Variants in SYNE2 observed in about 807,000 individuals in gnomAD.
SYNE2 encodes the protein nesprin-2.
Under a neutral mutation model 856.3 loss-of-function variants are expected in SYNE2, and 431 were observed. That is an observed-to-expected ratio of 0.50 (90% CI 0.47 to 0.55). SYNE2 has a LOEUF of 0.55. Among genes scored for constraint, SYNE2 ranks in the 20% least tolerant of loss-of-function variants. The probability of loss-of-function intolerance (pLI) is 0.00; values close to 1 mark genes in which losing one functional copy is unlikely to be tolerated. For missense variants in SYNE2, 8,129 were observed against 8,023.2 expected (o/e 1.01, Z -0.50); for synonymous variants, 2,923 against 2,872.3 (o/e 1.02, Z -0.56).
At chr14:64,045,421 TC>T (rs2097179039) in intron 45 of SYNE2, among the ~76,000 whole-genome samples, 1 of 143,558 alleles carries the variant, frequency 7.0e-6, no homozygotes, top group Admixed American at 7.0e-5. Flanking sequence ...CAGTGCAGGT[TC>T]TCTTGGGCTG....
intron 76 of SYNE2, among the ~76,000 whole-genome samples, chr14:64,131,208 G>A (rs1318596157): frequency 6.6e-6 from 1 of 152,092 alleles, no homozygotes; most frequent in Non-Finnish European, 1.5e-5. Context: ...CAGTGTGCTA[G>A]GCCCCTTGCT....
intron 11 of SYNE2, among the ~76,000 whole-genome samples, chr14:63,975,297 T>C (rs2096533339): frequency 6.6e-6 from 1 of 152,070 alleles, no homozygotes; most frequent in African/African-American, 2.4e-5. Flanking sequence ...CTTTTCGTTT[T>C]ATGTTTTTGC....
In SYNE2 at chr14:63,899,801, T is replaced by C. The variant is rs147359984; in HGVS notation, c.-51-9297T>C. On this transcript the variant is annotated intron_variant, in intron 1 of 115. Transcript: ENST00000555002. ...ACAGGCGTGAGCCACTGTGCCTGAG[T>C]GTTTTCACTCTTTGTTCTAGTATGG... Among the ~76,000 whole-genome samples the C allele has an allele frequency of 2.8e-3, 429 of 152,312 alleles. 4 individuals carry two copies. Among genetic ancestry groups the C allele is most frequent in the African/African-American group, 0.01 (419 of 41,574 alleles).
Position 64,002,076 on chromosome 14 carries a change from C to T in SYNE2, c.3781C>T (p.Leu1261=). 1 of 1,610,320 alleles carries T rather than the reference C, an allele frequency of 6.2e-7. No individual in the cohort carries two copies. Reference sequence around the variant, plus strand: ...TGATGCTGATCGCATCTATCAACACCTAAGGGTAAGTATATAAGTTCTCAC... The same window carrying T: ...TGATGCTGATCGCATCTATCAACACTTAAGGGTAAGTATATAAGTTCTCAC... The part of the protein sequence containing the change: ...LIDADRIYQH[L]RNIQDSIAKQ... The change falls in exon 29 of 116, where the codon CTA becomes TTA. Residue 1261 remains leucine, a synonymous_variant. Transcript: ENST00000555002.
At position 64,225,571 on chromosome 14, in the gene SYNE2, A is replaced by C. The variant is rs746327737; in HGVS notation, c.*45A>C. On this transcript the variant is annotated 3_prime_UTR_variant, in exon 116 of 116. Transcript: ENST00000555002. ...TGCTACACCACCTGCCTGATTGCCA[A>C]GGGTGCCCAGCACGTGGCCCCAGAC... 6.3e-7 allele frequency: 1 copy of C among 1,597,840 alleles called. No homozygotes were observed. The highest frequency in any genetic ancestry group is 1.7e-5 in the Admixed American group (1 of 58,900).
intron 8 of SYNE2, chr14:63,960,823 C>G: frequency 4.0e-6 from 3 of 756,784 alleles, no homozygotes; most frequent in Non-Finnish European, 4.8e-6. Flanking sequence ...GATTGGAGGA[C>G]TGTTTGAGGC....
In SYNE2 at chr14:63,885,950, G is replaced by A. The variant is rs143018990; in HGVS notation, c.-51-23148G>A. 9.2e-5 allele frequency among the ~76,000 whole-genome samples: 14 copies of A among 152,186 alleles called. No individual in the cohort carries two copies. In the East Asian group the frequency reaches 2.7e-3, roughly 29 times the overall value. ...TAATTGAAGCTGAGGGAGACAGCTC[G>A]AGAATATGTGAGCTAAATAGATGCT... On this transcript the variant is annotated intron_variant, in intron 1 of 115. Transcript: ENST00000555002.
intron 1 of SYNE2, among the ~76,000 whole-genome samples, chr14:63,783,451 C>T (rs748467506): frequency 9.9e-5 from 15 of 152,078 alleles, no homozygotes; most frequent in Non-Finnish European, 2.2e-4. Context: ...GATCTTGGCT[C>T]ACTGCAACCT....
intron 92 of SYNE2, among the ~76,000 whole-genome samples, chr14:64,168,218 C>A (rs1261595825): frequency 6.6e-6 from 1 of 152,168 alleles, no homozygotes; most frequent in African/African-American, 2.4e-5. Context: ...ATTCTCGTGC[C>A]TTACCCTTCC....
At chr14:64,189,150 A>G in intron 98 of SYNE2, 1 of 599,034 alleles carries the variant, frequency 1.7e-6, no homozygotes, top group East Asian at 2.8e-5. Flanking sequence ...CCTGGCTGAC[A>G]TGGTGAAACC....
chr14:63,982,381 C>T (rs974825903), intron 16 of SYNE2, among the ~76,000 whole-genome samples: 3 of 152,074 alleles, frequency 2.0e-5, no homozygotes, highest in Admixed American at 6.5e-5. Context: ...GCTAGACCAA[C>T]AGGGATGGCA....
chr14:63,849,024 A>T (rs1369322920), upstream of SYNE2, among the ~76,000 whole-genome samples: 1 of 152,234 alleles, frequency 6.6e-6, no homozygotes, highest in Non-Finnish European at 1.5e-5. Context: ...CAATTAGCCA[A>T]CATTTATTTC....
chr14:63,954,318 A>C (rs2096211868), intron 7 of SYNE2, among the ~76,000 whole-genome samples: 1 of 152,190 alleles, frequency 6.6e-6, no homozygotes, highest in East Asian at 1.9e-4. Context: ...TTAAAGGCAG[A>C]CTTAAGCCAA....
At chr14:64,175,169 A>C (rs1204392653) in intron 95 of SYNE2, 31 bp downstream of exon 95, 1 of 1,611,336 alleles carries the variant, frequency 6.2e-7, no homozygotes, top group Admixed American at 1.7e-5. Flanking sequence ...TCCATTCATG[A>C]TATTCAAATT....
Position 63,856,126 on chromosome 14 carries a change from G to T in SYNE2, c.-52+2983G>T, listed in dbSNP as rs569888456. Among the ~76,000 whole-genome samples the T allele has an allele frequency of 4.4e-4, 67 of 152,188 alleles. 1 individual carries two copies. The highest frequency in any genetic ancestry group is 7.6e-4 in the Non-Finnish European group (52 of 68,034). ...GTGTGTGGATTTATTGGAACTGAGA[G>T]GTCATTGTGGCTGAGCACTGTCAAG... On this transcript the variant is annotated intron_variant, in intron 1 of 115. Transcript: ENST00000555002.
chr14:64,081,406 G>C, intron 56 of SYNE2, 37 bp from the exon 57 acceptor site: 1 of 1,613,806 alleles, frequency 6.2e-7, no homozygotes, highest in Non-Finnish European at 8.5e-7. Flanking sequence ...CCAGTAAAAG[G>C]CATCTGACTA....
At chr14:63,907,552 A>G (rs143440511) in intron 1 of SYNE2, among the ~76,000 whole-genome samples, 11 of 152,324 alleles carry the variant, frequency 7.2e-5, no homozygotes, top group Non-Finnish European at 1.5e-4. Context: ...GTGCCTGTAT[A>G]CAGTAAGTAC....
chr14:63,998,263 G>A lies in SYNE2; in HGVS notation c.3288G>A (p.Arg1096=). Residue 1096 remains arginine (R), a synonymous_variant, in exon 26 of 116, where the codon AGG becomes AGA. Transcript: ENST00000555002. ...TMKFSLASVL[R]PLQEESIMEK... is the part of the protein sequence containing the mutation. ...AGTTTAGCCTGGCATCAGTGTTAAG[G>A]CCTCTGCAAGAAGAAAGCATTATGG... The A allele has an allele frequency of 6.2e-7, 1 of 1,614,018 alleles. No individual in the cohort carries two copies. The highest frequency in any genetic ancestry group is 8.5e-7 in the Non-Finnish European group (1 of 1,179,954).
intron 8 of SYNE2, among the ~76,000 whole-genome samples, chr14:63,958,002 A>G (rs2096262383): frequency 6.6e-6 from 1 of 152,090 alleles, no homozygotes. Flanking sequence ...AGATCGTGCC[A>G]CTGCACTGTA....
Sources: gnomAD v4.1 joint callset for allele counts (sites outside exome capture counted in the v4.1 genomes callset) on GRCh38, gnomAD v4.1.1 for gene constraint, MANE v1.5 for transcripts, NCBI Gene and HGNC (gene_info 2026-07-23, HGNC 2026-07-21) for gene names.